Variants in IRAK3 observed in about 807,000 individuals in gnomAD.
The protein encoded by IRAK3 is interleukin-1 receptor-associated kinase 3.
Under a neutral mutation model 56.6 loss-of-function variants are expected in IRAK3, and 57 were observed. That is an observed-to-expected ratio of 1.01 (90% CI 0.81 to 1.26). IRAK3 has a LOEUF of 1.26. Ranked by LOEUF, IRAK3 falls within the 50% of genes most tolerant of loss-of-function variation. IRAK3 has a pLI of 0.00. For missense variants in IRAK3, 703 were observed against 719.0 expected, an observed-to-expected ratio of 0.98 and a Z score of 0.25; for synonymous variants, 258 against 255.7, an observed-to-expected ratio of 1.01 and a Z score of -0.09.
rs1036544071 is a variant in IRAK3 at position 66,189,507 on chromosome 12, A to AT, written c.133+76dup. ...CGGGGCCCGCTCGGCGTCGCCCTGC[A>AT]TGGCTGGGGTCCCTCGCGGGGCTGG... On this transcript the variant is annotated intron_variant, in intron 1 of 11. Transcript: ENST00000261233. 4.0e-5 allele frequency: 40 copies of AT among 1,001,326 alleles called. No homozygotes were observed. In the African/African-American group the frequency reaches 4.8e-4, roughly 12 times the overall value. 62.0% of individuals were successfully genotyped at this position (1,001,326 alleles called of 1,614,324 possible).
At chr12:66,201,461 G>A (rs553484612) in intron 1 of IRAK3, among the ~76,000 whole-genome samples, 2 of 152,264 alleles carry the variant, frequency 1.3e-5, no homozygotes, top group South Asian at 4.1e-4. Flanking sequence ...AAAGGATGGT[G>A]CCATCACCAC....
intron 4 of IRAK3, among the ~76,000 whole-genome samples, chr12:66,210,544 C>T (rs2052601686): frequency 6.6e-6 from 1 of 152,150 alleles, no homozygotes; most frequent in Admixed American, 6.5e-5. Context: ...GAAATGCTCA[C>T]AGCAATTACA....
chr12:66,240,611 C>T (rs2052957850), intron 8 of IRAK3, among the ~76,000 whole-genome samples: 1 of 151,906 alleles, frequency 6.6e-6, no homozygotes, highest in African/African-American at 2.4e-5. Context: ...CTCAGTGTTG[C>T]AACAGCCGTA....
intron 8 of IRAK3, 152 bp from the exon 9 acceptor site, chr12:66,244,334 G>A (rs950735476): frequency 1.7e-5 from 11 of 642,102 alleles, no homozygotes; most frequent in Middle Eastern, 4.2e-4. Context: ...AAAAATGAAA[G>A]AATGTTCTCC....
At chr12:66,234,696 G>A (rs904800011) in intron 8 of IRAK3, 3 of 1,606,500 alleles carry the variant, frequency 1.9e-6, no homozygotes, top group Non-Finnish European at 2.6e-6. Context: ...CCATTAAAAT[G>A]ACCAGTAACA....
intron 11 of IRAK3, among the ~76,000 whole-genome samples, chr12:66,245,743 G>A (rs1409652738): frequency 1.3e-5 from 2 of 151,844 alleles, no homozygotes; most frequent in African/African-American, 4.8e-5. Context: ...TGTTGGCCAG[G>A]CTGGTCTCGA....
chr12:66,223,146 T>G (rs1013359637), intron 6 of IRAK3, among the ~76,000 whole-genome samples: 1 of 152,098 alleles, frequency 6.6e-6, no homozygotes, highest in Non-Finnish European at 1.5e-5. Flanking sequence ...CCATTTTCAC[T>G]TCTTTTGTGG....
intron 1 of IRAK3, chr12:66,197,844 A>G: frequency 2.0e-6 from 2 of 985,406 alleles, no homozygotes; most frequent in South Asian, 4.7e-5. Flanking sequence ...GCAGTTTCTC[A>G]GCCAAGTCAC....
At chr12:66,195,873 T>C (rs1018578186) in intron 1 of IRAK3, among the ~76,000 whole-genome samples, 18 of 152,222 alleles carry the variant, frequency 1.2e-4, no homozygotes, top group Admixed American at 2.0e-4. Flanking sequence ...GCCAGGCTGG[T>C]CTCGAACTTC....
intron 8 of IRAK3, 77 bp from the exon 9 acceptor site, chr12:66,244,409 T>G: frequency 3.9e-6 from 4 of 1,020,628 alleles, no homozygotes; most frequent in Non-Finnish European, 6.2e-6. Context: ...ATGAAGAAGG[T>G]GAGTTTATAG....
rs569001192 is a variant in IRAK3 at position 66,249,462 on chromosome 12, C to G, written c.*1291C>G. ...TACAGGCGTGAGCCACCGCGCCCAG[C>G]CTTCATCTCTTTTACTAGGTTGTAA... On this transcript the variant is annotated 3_prime_UTR_variant, in exon 12 of 12. Coordinates refer to ENST00000261233, the MANE Select transcript of IRAK3 (RefSeq NM_007199.3). 2 of 152,340 alleles carry G rather than the reference C, an allele frequency of 1.3e-5. No homozygotes were observed. Among genetic ancestry groups the G allele is most frequent in the African/African-American group, 4.8e-5 (2 of 41,568 alleles). The allele number at this position is 152,340 out of a possible 1,614,324, so 9.4% of individuals were successfully genotyped here. A position where few individuals can be genotyped will look rare whatever the true frequency, so the allele number is the denominator to read the frequency against.
chr12:66,194,555 C>T (rs898138502), intron 1 of IRAK3, among the ~76,000 whole-genome samples: 2 of 152,096 alleles, frequency 1.3e-5, no homozygotes, highest in Non-Finnish European at 1.5e-5. Context: ...CTGCCGGACG[C>T]GGTGGTTCAC....
chr12:66,248,355 T>A lies in IRAK3; in HGVS notation c.*184T>A. On this transcript the variant is annotated 3_prime_UTR_variant, in exon 12 of 12. Transcript: ENST00000261233. Reference sequence around the variant, plus strand: ...TTCCCAAACCCTCAAACAGAGTGCCTTAAAAAATTGTTTTATCAGGATAAT... The same window carrying A: ...TTCCCAAACCCTCAAACAGAGTGCCATAAAAAATTGTTTTATCAGGATAAT... The A allele has an allele frequency of 1.9e-6, 1 of 538,152 alleles. No homozygotes were observed. Among genetic ancestry groups the A allele is most frequent in the South Asian group, 2.9e-5 (1 of 34,992 alleles). The allele number at this position is 538,152 out of a possible 1,614,324, so 33.3% of individuals were successfully genotyped here. A position where few individuals can be genotyped will look rare whatever the true frequency, so the allele number is the denominator to read the frequency against.
In IRAK3 at chr12:66,211,603, G is replaced by A; in HGVS notation, c.588+6G>A. ...CTGTCAAATTATTTAAACAGGTATG[G>A]AAAGAATTACTGTCACAGGACATCA... On this transcript the variant is annotated splice_donor_region_variant and intron_variant, in intron 5 of 11. Transcript: ENST00000261233. 6.2e-7 allele frequency: 1 copy of A among 1,604,722 alleles called. No homozygotes were observed. Among genetic ancestry groups the A allele is most frequent in the East Asian group, 2.2e-5 (1 of 44,754 alleles).
At chr12:66,197,025 G>A (rs1027048442) in intron 1 of IRAK3, 92 of 1,528,732 alleles carry the variant, frequency 6.0e-5, no homozygotes, top group Admixed American at 1.4e-4. Flanking sequence ...ATATGGAGAC[G>A]TGATTTCTGC....
At chr12:66,232,655 C>T (rs2052855592) in intron 8 of IRAK3, among the ~76,000 whole-genome samples, 1 of 152,186 alleles carries the variant, frequency 6.6e-6, no homozygotes, top group South Asian at 2.1e-4. Context: ...ACCTAGGCCT[C>T]CCTGAGTGTT....
Position 66,189,482 on chromosome 12 carries a change from C to A in IRAK3, c.133+50C>A, listed in dbSNP as rs936990689. The A allele has an allele frequency of 6.3e-6, 7 of 1,119,524 alleles. No individual in the cohort carries two copies. In the African/African-American group the frequency reaches 9.9e-5, roughly 16 times the overall value. The allele number at this position is 1,119,524 out of a possible 1,614,324, so 69.3% of individuals were successfully genotyped here. A position where few individuals can be genotyped will look rare whatever the true frequency, so the allele number is the denominator to read the frequency against. ...GGCGGCGGGGGAGCCCAGCGCGCCG[C>A]GGGGCCCGCTCGGCGTCGCCCTGCA... On this transcript the variant is annotated intron_variant, in intron 1 of 11. Transcript: ENST00000261233.
At chr12:66,220,243 T>G (rs1178488782) in intron 6 of IRAK3, among the ~76,000 whole-genome samples, 4 of 152,156 alleles carry the variant, frequency 2.6e-5, no homozygotes, top group Admixed American at 2.6e-4. Flanking sequence ...AAGACAAAGG[T>G]CCAATTTTAT....
chr12:66,229,006 A>G (rs971416359), intron 8 of IRAK3, among the ~76,000 whole-genome samples: 5 of 152,240 alleles, frequency 3.3e-5, no homozygotes, highest in African/African-American at 1.2e-4. Context: ...GTAATTATTA[A>G]TGGCACTTTG....
Sources: allele counts gnomAD v4.1 joint callset (sites outside exome capture counted in the v4.1 genomes callset), GRCh38; gene constraint gnomAD v4.1.1; transcripts MANE v1.5; gene names NCBI Gene and HGNC (gene_info 2026-07-23, HGNC 2026-07-21).